COL28A1: variants seen among roughly 807,000 people sequenced by gnomAD.
The protein encoded by COL28A1 is collagen type XXVIII alpha 1 chain, also known as collagen alpha-1(XXVIII) chain.
Under a neutral mutation model 150.2 loss-of-function variants are expected in COL28A1, and 161 were observed. That is an observed-to-expected ratio of 1.07 (90% confidence interval 0.94 to 1.22). The LOEUF (loss-of-function observed/expected upper bound fraction) is 1.22, where lower values mean the gene tolerates loss of function less well. Among genes scored for constraint, COL28A1 ranks in the 50% most tolerant of loss-of-function variants. COL28A1 has a pLI of 0.00. For synonymous variants in COL28A1, 552 were observed against 469.7 expected (o/e 1.18, Z -2.26); for missense variants, 1,617 against 1,388.3 (o/e 1.16, Z -2.62).
Position 7,440,805 on chromosome 7 carries a change from C to A in COL28A1, c.1707G>T (p.Gly569=), listed in dbSNP as rs576342341. ...AGAAACATACCTTTGGTCCTTCGGG[C>A]CCTGGAAGTCCCCTCTGTCCTTGAT... is the stretch of plus-strand genomic sequence containing the variant. ...KGNQGQRGLP[G]PEGPKGEPGI... The change falls in exon 21 of 35, where the codon GGG becomes GGT. Residue 569 remains glycine, a synonymous_variant. Transcript: ENST00000399429. The A allele has an allele frequency of 6.7e-7, 1 of 1,494,926 alleles. No individual in the cohort carries two copies. The highest frequency in any genetic ancestry group is 9.3e-7 in the Non-Finnish European group (1 of 1,072,676). The allele number at this position is 1,494,926 out of a possible 1,614,324, so 92.6% of individuals were successfully genotyped here. A position where few individuals can be genotyped will look rare whatever the true frequency, so the allele number is the denominator to read the frequency against.
intron 5 of COL28A1, among the ~76,000 whole-genome samples, chr7:7,520,873 T>C (rs1781686005): frequency 6.6e-6 from 1 of 152,226 alleles, no homozygotes; most frequent in African/African-American, 2.4e-5. Flanking sequence ...TAGGAAGGGA[T>C]GGCTAAACCT....
At chr7:7,343,149 T>C in the COL28A1 span, among the ~76,000 whole-genome samples, 3 of 151,810 alleles carry the variant, frequency 2.0e-5, no homozygotes, top group Non-Finnish European at 4.4e-5. Flanking sequence ...GTCTTTAGTA[T>C]TCTGTAGTTT....
At chr7:7,478,220 C>T (rs565240579) in intron 13 of COL28A1, among the ~76,000 whole-genome samples, 20 of 152,174 alleles carry the variant, frequency 1.3e-4, no homozygotes, top group African/African-American at 4.6e-4. Context: ...TGTTTACAAA[C>T]CTTGAGCTAG....
At chr7:7,427,281 A>C (rs751988917) in intron 25 of COL28A1, among the ~76,000 whole-genome samples, 3 of 152,146 alleles carry the variant, frequency 2.0e-5, no homozygotes, top group Non-Finnish European at 4.4e-5. Flanking sequence ...TAGGGTCTAA[A>C]CTTTGTATGG....
At chr7:7,394,387 T>G (rs1287915591) in intron 27 of COL28A1, among the ~76,000 whole-genome samples, 1 of 152,226 alleles carries the variant, frequency 6.6e-6, no homozygotes, top group Non-Finnish European at 1.5e-5. Context: ...TCAGCCATCT[T>G]GCCAGCCTGC....
At position 7,401,486 on chromosome 7, in the gene COL28A1, A is replaced by G. The variant is rs557603567; in HGVS notation, c.2136+16373T>C. On this transcript the variant is annotated intron_variant, in intron 27 of 34. Coordinates refer to ENST00000399429, the MANE Select transcript of COL28A1 (RefSeq NM_001037763.3). ...CTGAATTTCTGATTTCTCAACACCT[A>G]CCTATTATATAAAGTCCATTCTTCC... Among the ~76,000 whole-genome samples, 4 of 152,204 alleles carry G rather than the reference A, an allele frequency of 2.6e-5. No homozygotes were observed. In the South Asian group the frequency reaches 8.3e-4, roughly 32 times the overall value.
intron 18 of COL28A1, among the ~76,000 whole-genome samples, chr7:7,448,904 C>A (rs1346446289): frequency 6.6e-6 from 1 of 151,782 alleles, no homozygotes; most frequent in Non-Finnish European, 1.5e-5. Flanking sequence ...TCTATGATGA[C>A]AAAAAACAGA....
chr7:7,492,559 T>C (rs918962042), intron 11 of COL28A1, among the ~76,000 whole-genome samples: 1 of 146,128 alleles, frequency 6.8e-6, no homozygotes, highest in South Asian at 2.2e-4. Flanking sequence ...CACTCCAGCT[T>C]TGGCAACAGA....
intron 3 of COL28A1, 97 bp downstream of exon 3, chr7:7,531,251 C>T (rs1782333325): frequency 1.8e-6 from 1 of 552,744 alleles, no homozygotes; most frequent in Non-Finnish European, 3.2e-6. Flanking sequence ...CTCTCATTTT[C>T]TCCATCTTTT....
intron 25 of COL28A1, among the ~76,000 whole-genome samples, chr7:7,429,255 G>A (rs933083558): frequency 9.2e-5 from 14 of 152,080 alleles, no homozygotes; most frequent in Non-Finnish European, 1.9e-4. Context: ...AACTCAAAAG[G>A]GGAGAAATTT....
At chr7:7,430,225 C>T (rs1215847030) in intron 25 of COL28A1, among the ~76,000 whole-genome samples, 2 of 152,138 alleles carry the variant, frequency 1.3e-5, no homozygotes, top group Non-Finnish European at 2.9e-5. Flanking sequence ...CTCCCGGGTT[C>T]AAGCAATTCT....
chr7:7,477,196 G>A lies in COL28A1; in HGVS notation c.1165-16C>T, dbSNP rs372242136. The stretch of plus-strand genomic sequence containing the variant: ...CACGGGGACCCTGGTTAGGATAGGA[G>A]AAAATGAGGAGCAGGAGGAGAGAGA... On this transcript the variant is annotated splice_polypyrimidine_tract_variant and intron_variant, in intron 13 of 34. Transcript: ENST00000399429. 43 of 975,422 alleles carry A rather than the reference G, an allele frequency of 4.4e-5. No individual in the cohort carries two copies. Among genetic ancestry groups the A allele is most frequent in the Non-Finnish European group, 6.5e-5 (39 of 596,018 alleles). 60.4% of individuals were successfully genotyped at this position (975,422 alleles called of 1,614,324 possible). A position where few individuals can be genotyped will look rare whatever the true frequency, so the allele number is the denominator to read the frequency against.
chr7:7,460,953 G>A (rs1787567306), intron 15 of COL28A1, among the ~76,000 whole-genome samples: 2 of 152,156 alleles, frequency 1.3e-5, no homozygotes, highest in African/African-American at 4.8e-5. Flanking sequence ...ACAGCATGTG[G>A]AGGCTAGCAC....
At chr7:7,352,230 GTTC>G (rs1299312779), downstream of COL28A1, among the ~76,000 whole-genome samples, 6 of 152,052 alleles carry the variant, frequency 3.9e-5, no homozygotes, top group African/African-American at 9.7e-5. Context: ...AATTTATTGA[GTTC>G]TTCTTAAATG....
chr7:7,536,672 T>C (rs1782651572), upstream of COL28A1, among the ~76,000 whole-genome samples: 1 of 152,146 alleles, frequency 6.6e-6, no homozygotes, highest in South Asian at 2.1e-4. Flanking sequence ...TCCTCTGAAA[T>C]AGAGAATAGC....
At chr7:7,402,377 G>GATT (rs1222340211) in intron 27 of COL28A1, among the ~76,000 whole-genome samples, 6 of 152,282 alleles carry the variant, frequency 3.9e-5, no homozygotes, top group African/African-American at 1.4e-4. Context: ...GTGGTATATG[G>GATT]ATTCAATCTT....
At chr7:7,404,442 C>A (rs1287383868) in intron 27 of COL28A1, among the ~76,000 whole-genome samples, 1 of 152,006 alleles carries the variant, frequency 6.6e-6, no homozygotes, top group East Asian at 1.9e-4. Context: ...ATAGGCCCAC[C>A]CCAAATTCAC....
chr7:7,427,605 AT>A (rs1784720231), intron 25 of COL28A1, among the ~76,000 whole-genome samples: 1 of 152,186 alleles, frequency 6.6e-6, no homozygotes, highest in Non-Finnish European at 1.5e-5. Flanking sequence ...GGCAATTCAG[AT>A]GCTGGGAACA....
At chr7:7,537,097 T>C (rs547758140), upstream of COL28A1, among the ~76,000 whole-genome samples, 2 of 152,268 alleles carry the variant, frequency 1.3e-5, no homozygotes, top group East Asian at 3.9e-4. Context: ...AAGCTATATA[T>C]ACATTTATGA....
Sources: gnomAD v4.1 joint callset for allele counts (sites outside exome capture counted in the v4.1 genomes callset) on GRCh38, gnomAD v4.1.1 for gene constraint, MANE v1.5 for transcripts, NCBI Gene and HGNC (gene_info 2026-07-23, HGNC 2026-07-21) for gene names.